Variants in ST6GALNAC5 observed in about 807,000 individuals in gnomAD.
ST6GALNAC5 encodes the protein ST6 N-acetylgalactosaminide alpha-2,6-sialyltransferase 5, also known as alpha-N-acetylgalactosaminide alpha-2,6-sialyltransferase 5.
A neutral mutation model predicts 33.6 loss-of-function variants in ST6GALNAC5; 27 were observed. That is an observed-to-expected ratio of 0.80 (90% CI 0.59 to 1.11). The LOEUF (loss-of-function observed/expected upper bound fraction) is 1.11, where lower values mean the gene tolerates loss of function less well. Among genes scored for constraint, ST6GALNAC5 ranks in the 50% least tolerant of loss-of-function variants. ST6GALNAC5 has a pLI of 0.00. For missense variants in ST6GALNAC5, 428 were observed against 454.0 expected (o/e 0.94, Z 0.52); for synonymous variants, 194 against 171.2 (o/e 1.13, Z -1.04).
At chr1:77,012,586 A>G (rs1480669330) in intron 2 of ST6GALNAC5, among the ~76,000 whole-genome samples, 2 of 152,178 alleles carry the variant, frequency 1.3e-5, no homozygotes, top group East Asian at 3.8e-4. Context: ...ACAGGTCCTA[A>G]TTGGATCGAC....
intron 2 of ST6GALNAC5, among the ~76,000 whole-genome samples, chr1:76,937,188 G>GA (rs1255305977): frequency 6.6e-6 from 1 of 151,908 alleles, no homozygotes; most frequent in African/African-American, 2.4e-5. Flanking sequence ...GAGAAGGTGT[G>GA]AAATGCAAGC....
rs1557702544 is a variant in ST6GALNAC5 at position 76,867,612 on chromosome 1, C to T, written c.-64C>T. The T allele has an allele frequency of 1.9e-6, 3 of 1,613,690 alleles. No homozygotes were observed. The highest frequency in any genetic ancestry group is 1.3e-5 in the African/African-American group (1 of 74,920). ...CCGCCCCATTACCCATCATGGAAAC[C>T]CTCCAGGAAAAAGTGGCCCCGGACG... On this transcript the variant is annotated 5_prime_UTR_variant, in exon 1 of 5. Transcript: ENST00000477717.
At chr1:76,990,985 G>A (rs1476445233) in intron 2 of ST6GALNAC5, among the ~76,000 whole-genome samples, 1 of 152,018 alleles carries the variant, frequency 6.6e-6, no homozygotes, top group Non-Finnish European at 1.5e-5. Flanking sequence ...CTTCAGTAGT[G>A]GGCTATAGGC....
intron 2 of ST6GALNAC5, among the ~76,000 whole-genome samples, chr1:76,943,454 C>T (rs76932387): frequency 1.3e-5 from 2 of 152,036 alleles, no homozygotes; most frequent in Non-Finnish European, 2.9e-5. Flanking sequence ...TCTCTCTACT[C>T]TGAGCCATGT....
chr1:77,050,259 A>G lies in ST6GALNAC5; in HGVS notation c.673A>G (p.Lys225Glu). 2 of 1,613,698 alleles carry G rather than the reference A, an allele frequency of 1.2e-6. No individual in the cohort carries two copies. Among genetic ancestry groups the G allele is most frequent in the Non-Finnish European group, 1.7e-6 (2 of 1,179,620 alleles). ...AGACTTAATTATTGTTCCTTCCAGG[A>G]AGATATCCAACACTTGGCTCAGCAC... Reference protein sequence around the residue: ...LFKQETGKDRKISNTWLSTGW... With the variant: ...LFKQETGKDREISNTWLSTGW... Residue 225 changes from lysine (K) to glutamate (E), a missense_variant and splice_region_variant, in exon 4 of 5, where the codon AAG (lysine) becomes GAG (glutamate). Lys to Glu is a moderately conservative substitution (Grantham distance 56, BLOSUM62 1). Transcript: ENST00000477717.
chr1:76,900,082 G>A lies in ST6GALNAC5; in HGVS notation c.261+31340G>A, dbSNP rs1265594650. Among the ~76,000 whole-genome samples, 10 of 152,262 alleles carry A rather than the reference G, an allele frequency of 6.6e-5. No homozygotes were observed. In the South Asian group the frequency reaches 8.3e-4, roughly 13 times the overall value. The stretch of plus-strand genomic sequence containing the variant: ...GGCTGAGTCTGAAAAGAGAGTCAGC[G>A]AAGGGAGATAAGGGTGGGGCTGTTT... On this transcript the variant is annotated intron_variant, in intron 2 of 4. Transcript: ENST00000477717.
chr1:76,932,056 G>A (rs1429331326), intron 2 of ST6GALNAC5, among the ~76,000 whole-genome samples: 1 of 152,140 alleles, frequency 6.6e-6, no homozygotes, highest in Non-Finnish European at 1.5e-5. Flanking sequence ...GCAAGGTGGA[G>A]TGGAAGTTGG....
At chr1:76,921,045 A>G (rs1471150615) in intron 2 of ST6GALNAC5, among the ~76,000 whole-genome samples, 1 of 152,206 alleles carries the variant, frequency 6.6e-6, no homozygotes, top group Non-Finnish European at 1.5e-5. Flanking sequence ...GAAAGCAATA[A>G]AGTAATATTT....
intron 3 of ST6GALNAC5, among the ~76,000 whole-genome samples, chr1:77,046,423 C>A (rs1652010895): frequency 6.6e-6 from 1 of 152,202 alleles, no homozygotes; most frequent in Non-Finnish European, 1.5e-5. Context: ...TCCTAGAAAC[C>A]TTGTGACTAG....
At chr1:77,025,458 T>C (rs549942144) in intron 2 of ST6GALNAC5, among the ~76,000 whole-genome samples, 1 of 146,908 alleles carries the variant, frequency 6.8e-6, no homozygotes, top group South Asian at 2.2e-4. Context: ...AGGTGGAGGT[T>C]GCAGTGAGCC....
At chr1:77,025,070 A>G (rs151037119) in intron 2 of ST6GALNAC5, among the ~76,000 whole-genome samples, 2 of 152,342 alleles carry the variant, frequency 1.3e-5, no homozygotes, top group East Asian at 3.9e-4. Context: ...GGTACTGGAA[A>G]GCCTGATCGA....
chr1:76,953,637 C>A (rs1647839655), intron 2 of ST6GALNAC5, among the ~76,000 whole-genome samples: 1 of 152,012 alleles, frequency 6.6e-6, no homozygotes, highest in Non-Finnish European at 1.5e-5. Context: ...TCTTTTCATT[C>A]TCTTAAAAGA....
In ST6GALNAC5 at chr1:76,909,653, T is replaced by G. The variant is rs538546968; in HGVS notation, c.261+40911T>G. ...ATATTAAGAATATTTGTCTGAAATA[T>G]AAAACAAAGTGAGAAATTCAATGCA... On this transcript the variant is annotated intron_variant, in intron 2 of 4. Transcript: ENST00000477717. Among the ~76,000 whole-genome samples the G allele has an allele frequency of 2.0e-5, 3 of 152,088 alleles. No homozygotes were observed. In the South Asian group the frequency reaches 6.2e-4, roughly 32 times the overall value.
intron 2 of ST6GALNAC5, among the ~76,000 whole-genome samples, chr1:76,976,304 G>A (rs892658697): frequency 6.6e-6 from 1 of 151,980 alleles, no homozygotes; most frequent in Non-Finnish European, 1.5e-5. Context: ...ATTGCATTAT[G>A]AAAAGAATTT....
At chr1:77,024,223 TG>T (rs1354980186) in intron 2 of ST6GALNAC5, among the ~76,000 whole-genome samples, 1 of 152,222 alleles carries the variant, frequency 6.6e-6, no homozygotes, top group Non-Finnish European at 1.5e-5. Context: ...TGGCTGCAGT[TG>T]TAATTTTGCA....
At chr1:77,031,380 T>C (rs533249628) in intron 2 of ST6GALNAC5, among the ~76,000 whole-genome samples, 2 of 152,200 alleles carry the variant, frequency 1.3e-5, no homozygotes, top group Non-Finnish European at 2.9e-5. Context: ...TCTTCCACTC[T>C]CAGAGCCCCT....
chr1:76,957,013 A>G lies in ST6GALNAC5; in HGVS notation c.262-87191A>G, dbSNP rs73001579. Among the ~76,000 whole-genome samples, 1,044 of 152,180 alleles carry G rather than the reference A, an allele frequency of 6.9e-3. 15 individuals are homozygous for G. Among genetic ancestry groups the G allele is most frequent in the African/African-American group, 0.02 (835 of 41,532 alleles). On this transcript the variant is annotated intron_variant, in intron 2 of 4. Coordinates refer to ENST00000477717, the MANE Select transcript of ST6GALNAC5 (RefSeq NM_030965.3). ...ATTTTATTTATTTTTATTTTACCCA[A>G]CTTGTAATTTTGAAATAACTCAAAC...
intron 2 of ST6GALNAC5, among the ~76,000 whole-genome samples, chr1:77,028,487 C>T (rs1359001389): frequency 6.6e-6 from 1 of 152,144 alleles, no homozygotes; most frequent in Admixed American, 6.5e-5. Flanking sequence ...AACCCACTTT[C>T]TGCAGCTTCA....
chr1:77,049,511 A>G (rs199706), intron 3 of ST6GALNAC5, among the ~76,000 whole-genome samples: 254 of 152,320 alleles, frequency 1.7e-3, no homozygotes, highest in African/African-American at 5.7e-3. Context: ...GGTGTAGCAT[A>G]TGGTAGAAGC....
Sources: gnomAD v4.1 joint callset for allele counts (sites outside exome capture counted in the v4.1 genomes callset) on GRCh38, gnomAD v4.1.1 for gene constraint, MANE v1.5 for transcripts, NCBI Gene and HGNC (gene_info 2026-07-23, HGNC 2026-07-21) for gene names.